The following DCT variants were observed in gnomAD, a reference collection of about 807,000 sequenced individuals.
DCT encodes L-dopachrome tautomerase.
DCT carries 47 observed loss-of-function variants against 53.0 expected under a neutral mutation model. The observed-to-expected ratio is 0.89, with a 90% CI of 0.70 to 1.13. The LOEUF is 1.13. DCT is among the 50% of genes most tolerant of loss of function. The pLI is 0.00. For synonymous variants in DCT, 244 were observed against 237.0 expected (o/e 1.03, Z -0.27); for missense variants, 669 against 637.4 (o/e 1.05, Z -0.53).
intron 4 of DCT, among the ~76,000 whole-genome samples, chr13:94,462,493 C>G (rs997293777): frequency 6.7e-6 from 1 of 150,270 alleles, no homozygotes; most frequent in African/African-American, 2.5e-5. Flanking sequence ...GAGTGAGACC[C>G]TGTCTCAAGA....
At chr13:94,529,804 A>G in the DCT span, among the ~76,000 whole-genome samples, 18 of 152,364 alleles carry the variant, frequency 1.2e-4, no homozygotes, top group South Asian at 3.5e-3. Context: ...GCAGACCTCA[A>G]GGAGATAGAG....
the DCT span, among the ~76,000 whole-genome samples, chr13:94,507,791 C>T: frequency 1.3e-5 from 2 of 152,192 alleles, no homozygotes; most frequent in Non-Finnish European, 2.9e-5. Flanking sequence ...TGAGCCACCG[C>T]GCCCCGCCGT....
chr13:94,445,221 C>T (rs556975948), intron 6 of DCT, among the ~76,000 whole-genome samples: 17 of 152,222 alleles, frequency 1.1e-4, no homozygotes, highest in African/African-American at 4.1e-4. Flanking sequence ...TGAAGGTTGG[C>T]TTCATCTGGC....
At chr13:94,531,492 C>A in the DCT span, among the ~76,000 whole-genome samples, 1 of 152,184 alleles carries the variant, frequency 6.6e-6, no homozygotes, top group African/African-American at 2.4e-5. Flanking sequence ...CACCACACAT[C>A]TACGACCGTC....
chr13:94,549,380 G>C, the DCT span, among the ~76,000 whole-genome samples: 2 of 152,166 alleles, frequency 1.3e-5, no homozygotes, highest in African/African-American at 4.8e-5. Context: ...CGGGTCGTTC[G>C]CGTCTTCCGG....
At chr13:94,470,015 C>T (rs1884533399) in intron 1 of DCT, among the ~76,000 whole-genome samples, 1 of 151,576 alleles carries the variant, frequency 6.6e-6, no homozygotes, top group Admixed American at 6.6e-5. Context: ...GTAGAGGTTG[C>T]AATGAGCCGA....
chr13:94,509,932 G>A, the DCT span, among the ~76,000 whole-genome samples: 3 of 152,170 alleles, frequency 2.0e-5, no homozygotes, highest in Non-Finnish European at 4.4e-5. Flanking sequence ...ATAGCAATTT[G>A]TTGAAGAATC....
chr13:94,493,509 C>T, the DCT span, among the ~76,000 whole-genome samples: 1 of 152,092 alleles, frequency 6.6e-6, no homozygotes, highest in Non-Finnish European at 1.5e-5. Flanking sequence ...CTGGTGAATT[C>T]TTAGGTGAAA....
intron 6 of DCT, among the ~76,000 whole-genome samples, chr13:94,452,126 G>A (rs1002140491): frequency 4.6e-5 from 7 of 151,902 alleles, no homozygotes; most frequent in African/African-American, 7.3e-5. Flanking sequence ...TCCACCTCCC[G>A]GGTTCAAGTG....
At chr13:94,506,380 C>G in the DCT span, among the ~76,000 whole-genome samples, 2 of 152,114 alleles carry the variant, frequency 1.3e-5, no homozygotes, top group Non-Finnish European at 2.9e-5. Context: ...GGAGTCCTCC[C>G]TAAAATGATG....
the DCT span, among the ~76,000 whole-genome samples, chr13:94,545,220 T>C: frequency 4.1e-4 from 62 of 152,102 alleles, no homozygotes; most frequent in Non-Finnish European, 8.4e-4. Flanking sequence ...CATTTTTAGA[T>C]GTTACCTCTT....
the DCT span, among the ~76,000 whole-genome samples, chr13:94,502,667 C>T: frequency 8.5e-5 from 13 of 152,114 alleles, no homozygotes; most frequent in Non-Finnish European, 1.8e-4. Context: ...ACCCCTTTCC[C>T]TCAGCTTCTA....
intron 6 of DCT, among the ~76,000 whole-genome samples, chr13:94,444,829 A>G (rs1221555793): frequency 2.0e-5 from 3 of 152,266 alleles, no homozygotes; most frequent in African/African-American, 7.2e-5. Flanking sequence ...ATCAAATGAT[A>G]CTATAACTTG....
rs1385643003 is a variant in DCT, at chr13:94,440,057, T to C, written c.1401A>G (p.Pro467=). Residue 467 remains proline, a synonymous_variant, in exon 8 of 8, where the codon CCA becomes CCG. Coordinates refer to ENST00000377028, the MANE Select transcript of DCT (RefSeq NM_001922.5). ...CTACTAAGAGAGTTGTGGGCCAACCTGGAGTTTCTTCAACTGAAACTAAAG... is the reference window on the plus strand; with the variant it reads ...CTACTAAGAGAGTTGTGGGCCAACCCGGAGTTTCTTCAACTGAAACTAAAG... ...IDLPVSVEET[P]GWPTTLLVVM... 5.0e-6 allele frequency: 8 copies of C among 1,613,654 alleles called. No homozygotes were observed. The highest frequency in any genetic ancestry group is 1.3e-5 in the African/African-American group (1 of 74,894).
At chr13:94,441,619 T>G (rs1456284686) in intron 7 of DCT, among the ~76,000 whole-genome samples, 1 of 152,196 alleles carries the variant, frequency 6.6e-6, no homozygotes, top group Non-Finnish European at 1.5e-5. Context: ...ATGTCTGGCT[T>G]ATTAAACTTA....
the DCT span, among the ~76,000 whole-genome samples, chr13:94,519,942 A>C: frequency 6.6e-6 from 1 of 152,216 alleles, no homozygotes; most frequent in Non-Finnish European, 1.5e-5. Context: ...GGTGGCAATT[A>C]AGGACATCTA....
chr13:94,488,155 T>C, the DCT span, among the ~76,000 whole-genome samples: 1 of 152,144 alleles, frequency 6.6e-6, no homozygotes, highest in Non-Finnish European at 1.5e-5. Context: ...AGTATTCAAT[T>C]TGGATTTTTA....
the DCT span, among the ~76,000 whole-genome samples, chr13:94,509,993 G>T: frequency 6.6e-6 from 1 of 151,840 alleles, no homozygotes; most frequent in African/African-American, 2.4e-5. Context: ...CCACACTATT[G>T]CTAATCTGAT....
rs750236298 is a variant in DCT at position 94,479,285 on chromosome 13, C to G, written c.-30G>C. On this transcript the variant is annotated 5_prime_UTR_variant, in exon 1 of 8. Coordinates refer to ENST00000377028, the MANE Select transcript of DCT (RefSeq NM_001922.5). ...TTATAATTGGGAGAGCTCTCTCTCT[C>G]TCTTACTTTCCTTGTCTCTGTCGTA... 2.6e-6 allele frequency: 4 copies of G among 1,513,918 alleles called. No homozygotes were observed. Among genetic ancestry groups the G allele is most frequent in the East Asian group, 4.6e-5 (2 of 43,216 alleles). The allele number at this position is 1,513,918 out of a possible 1,614,324, so 93.8% of individuals were successfully genotyped here. A position where few individuals can be genotyped will look rare whatever the true frequency, so the allele number is the denominator to read the frequency against.
Sources: gnomAD v4.1 joint callset for allele counts (sites outside exome capture counted in the v4.1 genomes callset) on GRCh38, gnomAD v4.1.1 for gene constraint, MANE v1.5 for transcripts, NCBI Gene and HGNC (gene_info 2026-07-23, HGNC 2026-07-21) for gene names.